Variants in COG8 observed in about 807,000 individuals in gnomAD.
The protein encoded by COG8 is component of oligomeric golgi complex 8.
Under a neutral mutation model 46.5 loss-of-function variants are expected in COG8, and 45 were observed. The observed-to-expected ratio is 0.97, with a 90% CI of 0.76 to 1.24. COG8 has a LOEUF of 1.24. Among genes scored for constraint, COG8 ranks in the 50% most tolerant of loss-of-function variants. The probability of loss-of-function intolerance (pLI) is 0.00; values close to 1 mark genes in which losing one functional copy is unlikely to be tolerated. For synonymous variants in COG8, 407 were observed against 347.8 expected (o/e 1.17, Z -1.90); for missense variants, 793 against 820.8 (o/e 0.97, Z 0.41).
Position 69,332,707 on chromosome 16 carries a change from C to T in COG8, c.1582+7G>A. The T allele has an allele frequency of 6.2e-7, 1 of 1,612,820 alleles. No homozygotes were observed. Among genetic ancestry groups the T allele is most frequent in the Non-Finnish European group, 8.5e-7 (1 of 1,178,760 alleles). ...TAAGGCAGTTTACAGAATTTTCATT[C>T]TCTTACCTAAAGTCTGTGCTATCTG... On this transcript the variant is annotated splice_region_variant and intron_variant, in intron 4 of 5. Transcript: ENST00000306875.
chr16:69,330,219 C>T, intron 5 of COG8: 4 of 1,452,056 alleles, frequency 2.8e-6, no homozygotes, highest in Non-Finnish European at 3.6e-6. Flanking sequence ...TGCCGCGGCA[C>T]CCCCAGCTGC....
rs748948523 is a variant in COG8 at position 69,329,186 on chromosome 16, A to C, written c.*27-7T>G. 1.3e-6 allele frequency: 2 copies of C among 1,587,136 alleles called. No individual in the cohort carries two copies. The highest frequency in any genetic ancestry group is 2.3e-5 in the South Asian group (2 of 87,898). ...TCTCCATTGGGGTCCAGCCCTGCAA[A>C]GGAAGTTACAGCCCTGGTGAGTGGG... On this transcript the variant is annotated splice_region_variant and splice_polypyrimidine_tract_variant and intron_variant, in intron 5 of 5. Coordinates refer to ENST00000306875, the MANE Select transcript of COG8 (RefSeq NM_032382.5).
chr16:69,334,446 G>T, intron 3 of COG8, 75 bp downstream of exon 3: 1 of 1,264,986 alleles, frequency 7.9e-7, no homozygotes. Context: ...CAAATAGACG[G>T]GTTTATTACA....
intron 4 of COG8, among the ~76,000 whole-genome samples, chr16:69,331,487 A>C (rs1320531852): frequency 1.3e-5 from 2 of 148,392 alleles, no homozygotes; most frequent in Non-Finnish European, 3.0e-5. Context: ...AGGAAATTTA[A>C]GGGAAAAAAA....
rs766915338 is a variant in COG8, at chr16:69,330,313, C to G, written c.*26+500G>C. On this transcript the variant is annotated intron_variant, in intron 5 of 5. Coordinates refer to ENST00000306875, the MANE Select transcript of COG8 (RefSeq NM_032382.5). ...GCCGCTGCAGCTCGGGCCCGCCTAGCTGCGCCCGCTCCACCGGGGCCGCCA... is the reference window on the plus strand; with the variant it reads ...GCCGCTGCAGCTCGGGCCCGCCTAGGTGCGCCCGCTCCACCGGGGCCGCCA... The G allele has an allele frequency of 6.2e-6, 9 of 1,440,162 alleles. No individual in the cohort carries two copies. In the South Asian group the frequency reaches 9.7e-5, roughly 16 times the overall value. 89.2% of individuals were successfully genotyped at this position (1,440,162 alleles called of 1,614,324 possible). A position where few individuals can be genotyped will look rare whatever the true frequency, so the allele number is the denominator to read the frequency against.
Position 69,327,893 on chromosome 16 carries a change from TG to T in COG8, c.*1312del, listed in dbSNP as rs1965650870. ...GAATAAAACAAGTTCCTTCACCTCTTGACAAGACAAAGCTGACACTTTTTTT... is the reference window on the plus strand; with the variant it reads ...GAATAAAACAAGTTCCTTCACCTCTTACAAGACAAAGCTGACACTTTTTTT... On this transcript the variant is annotated 3_prime_UTR_variant, in exon 6 of 6. Transcript: ENST00000306875. 1 of 150,936 alleles carries T rather than the reference TG, an allele frequency of 6.6e-6. No homozygotes were observed. The highest frequency in any genetic ancestry group is 2.4e-5 in the African/African-American group (1 of 41,116). The allele number at this position is 150,936 out of a possible 1,614,324, so 9.3% of individuals were successfully genotyped here. A position where few individuals can be genotyped will look rare whatever the true frequency, so the allele number is the denominator to read the frequency against.
At position 69,333,004 on chromosome 16, in the gene COG8, A is replaced by T. The variant is rs535639284; in HGVS notation, c.1414-122T>A. 2.7e-4 allele frequency: 226 copies of T among 835,158 alleles called. 2 individuals are homozygous for T. The South Asian group carries it at 3.0e-3, about 11-fold the overall frequency. The allele number at this position is 835,158 out of a possible 1,614,324, so 51.7% of individuals were successfully genotyped here. A position where few individuals can be genotyped will look rare whatever the true frequency, so the allele number is the denominator to read the frequency against. ...TTCCTGAACAAAGTAATTTAACAGT[A>T]CATTATTTTACTGTCTCATTTAAAC... On this transcript the variant is annotated intron_variant, in intron 3 of 5. Coordinates refer to ENST00000306875, the MANE Select transcript of COG8 (RefSeq NM_032382.5).
In COG8 at chr16:69,335,040, T is replaced by C; in HGVS notation, c.894A>G (p.Pro298=). 1 of 1,614,084 alleles carries C rather than the reference T, an allele frequency of 6.2e-7. No homozygotes were observed. The highest frequency in any genetic ancestry group is 8.5e-7 in the Non-Finnish European group (1 of 1,180,014). ...GCTCACCCATGGCAGGGGGCAGCAG[T>C]GGGTCCTCGTCTGAGAAGATGGCAC... The part of the protein sequence containing the change: ...QYRAIFSDED[P]LLPPAMGEHT... Residue 298 remains proline (P), a synonymous_variant, in exon 3 of 6, where the codon CCA becomes CCG. Transcript: ENST00000306875.
rs1490725958 is a variant in COG8 at position 69,334,992 on chromosome 16, G to T, written c.942C>A (p.Ile314=). 1 of 1,614,230 alleles carries T rather than the reference G, an allele frequency of 6.2e-7. No individual in the cohort carries two copies. The highest frequency in any genetic ancestry group is 8.5e-7 in the Non-Finnish European group (1 of 1,180,044). Residue 314 remains isoleucine, a synonymous_variant, in exon 3 of 6, where the codon ATC becomes ATA. Coordinates refer to ENST00000306875, the MANE Select transcript of COG8 (RefSeq NM_032382.5). The part of the protein sequence containing the change: ...MGEHTVNESA[I]FHGWVLQKVS... The stretch of plus-strand genomic sequence containing the variant: ...CCTTCTGTAGCACCCAGCCATGGAA[G>T]ATGGCACTCTCATTCACAGTGTGCT...
Position 69,334,505 on chromosome 16 carries a change from A to T in COG8, c.1413+16T>A, listed in dbSNP as rs1319167062. 4 of 1,611,754 alleles carry T rather than the reference A, an allele frequency of 2.5e-6. No individual in the cohort carries two copies. The highest frequency in any genetic ancestry group is 3.4e-6 in the Non-Finnish European group (4 of 1,178,060). Reference sequence around the variant, plus strand: ...AGAAGGCCCAGGGTAGCAGAAAACCAACAGAATGTGCTCACCTTGGCAAGG... The same window carrying T: ...AGAAGGCCCAGGGTAGCAGAAAACCTACAGAATGTGCTCACCTTGGCAAGG... On this transcript the variant is annotated intron_variant, in intron 3 of 5. Transcript: ENST00000306875.
intron 1 of COG8, chr16:69,338,364 C>T (rs574310191): frequency 1.3e-5 from 2 of 152,250 alleles, no homozygotes; most frequent in East Asian, 3.8e-4. Context: ...ATCCAGCCAT[C>T]CAAATGGAGA....
chr16:69,336,374 G>A (rs1012485653), intron 2 of COG8, 131 bp downstream of exon 2: 1 of 757,992 alleles, frequency 1.3e-6, no homozygotes, highest in Admixed American at 2.6e-5. Context: ...AATGTTTTCT[G>A]TTCAGGCATA....
In COG8 at chr16:69,335,442, T is replaced by C. The variant is rs1264747174; in HGVS notation, c.586-94A>G. 2.9e-6 allele frequency: 3 copies of C among 1,028,256 alleles called. No individual in the cohort carries two copies. In the East Asian group the frequency reaches 7.8e-5, roughly 27 times the overall value. 63.7% of individuals were successfully genotyped at this position (1,028,256 alleles called of 1,614,324 possible). ...TGAAGACTGCAGACCAACATTCCCA[T>C]GGCTTTCCTGAAATGTGAAGTAATT... On this transcript the variant is annotated intron_variant, in intron 2 of 5. Transcript: ENST00000306875.
chr16:69,330,754 G>A (rs1039338061), intron 5 of COG8, 59 bp downstream of exon 5: 4 of 1,452,594 alleles, frequency 2.8e-6, no homozygotes, highest in East Asian at 2.5e-5. Flanking sequence ...TCCCGAACCC[G>A]CCCCGGACCT....
intron 1 of COG8, among the ~76,000 whole-genome samples, chr16:69,337,717 A>T (rs1220182457): frequency 6.6e-6 from 1 of 151,764 alleles, no homozygotes; most frequent in Admixed American, 6.6e-5. Flanking sequence ...TGGAGACAGA[A>T]TATGACTCAC....
At chr16:69,330,687 T>G in intron 5 of COG8, 126 bp downstream of exon 5, 8 of 1,397,272 alleles carry the variant, frequency 5.7e-6, no homozygotes, top group Non-Finnish European at 7.5e-6. Context: ...CCTTCCTGCT[T>G]AGACTGGCAG....
chr16:69,331,589 GCCTCCCA>G (rs1254581043), intron 4 of COG8, among the ~76,000 whole-genome samples: 1 of 149,808 alleles, frequency 6.7e-6, no homozygotes, highest in Non-Finnish European at 1.5e-5. Context: ...TGCAACCTCT[GCCTCCCA>G]GGTTCAAACA....
rs1965697291 is a variant in COG8, at chr16:69,329,139, G to A, written c.*67C>T. On this transcript the variant is annotated 3_prime_UTR_variant, in exon 6 of 6. Coordinates refer to ENST00000306875, the MANE Select transcript of COG8 (RefSeq NM_032382.5). ...GCTGGATGATGCGGGCTGCCCACCC[G>A]CTCGCCTGCCACACCACCTGTTCTC... The A allele has an allele frequency of 1.9e-6, 3 of 1,607,372 alleles. No individual in the cohort carries two copies. Among genetic ancestry groups the A allele is most frequent in the Non-Finnish European group, 1.7e-6 (2 of 1,178,630 alleles).
intron 4 of COG8, among the ~76,000 whole-genome samples, chr16:69,331,875 C>G (rs1237670427): frequency 6.6e-6 from 1 of 152,116 alleles, no homozygotes. Flanking sequence ...TGAAGCAGAA[C>G]GTAACGGAAC....
Sources: allele counts gnomAD v4.1 joint callset (sites outside exome capture counted in the v4.1 genomes callset), GRCh38; gene constraint gnomAD v4.1.1; transcripts MANE v1.5; gene names NCBI Gene and HGNC (gene_info 2026-07-23, HGNC 2026-07-21).